Variants in GAS2 observed in about 807,000 individuals in gnomAD.
GAS2 encodes growth arrest-specific protein 2.
A neutral mutation model predicts 37.5 loss-of-function variants in GAS2; 20 were observed. That is an observed-to-expected ratio of 0.53 (90% confidence interval 0.37 to 0.77). The LOEUF (loss-of-function observed/expected upper bound fraction) is 0.77. Ranked by LOEUF, GAS2 falls within the 30% of genes least tolerant of loss-of-function variation. The pLI, the probability that GAS2 is intolerant of heterozygous loss-of-function variation, is 0.00. For missense variants in GAS2, 336 were observed against 373.4 expected (o/e 0.90, Z 0.82); for synonymous variants, 144 against 132.2 (o/e 1.09, Z -0.61).
chr11:22,726,268 A>G (rs376751148), intron 3 of GAS2, 24 bp from the exon 4 acceptor site: 113 of 1,582,638 alleles, frequency 7.1e-5, no homozygotes, highest in Non-Finnish European at 9.4e-5. Context: ...GATTTCTCCT[A>G]GAACGAATTT....
intron 3 of GAS2, among the ~76,000 whole-genome samples, chr11:22,688,940 A>G (rs1850101287): frequency 6.6e-6 from 1 of 152,206 alleles, no homozygotes; most frequent in South Asian, 2.1e-4. Context: ...CCTATATACC[A>G]TGGAATACCT....
chr11:22,709,540 C>A (rs1851292757), intron 3 of GAS2, among the ~76,000 whole-genome samples: 1 of 152,090 alleles, frequency 6.6e-6, no homozygotes, highest in South Asian at 2.1e-4. Context: ...AATTACTGTT[C>A]TTGGTCATTA....
At chr11:22,664,329 G>A (rs1053254646), upstream of GAS2, among the ~76,000 whole-genome samples, 1 of 151,974 alleles carries the variant, frequency 6.6e-6, no homozygotes, top group African/African-American at 2.4e-5. Flanking sequence ...ACATAGGAGG[G>A]AAAAATAACG....
At chr11:22,673,645 G>A (rs984509823) in intron 1 of GAS2, among the ~76,000 whole-genome samples, 4 of 152,100 alleles carry the variant, frequency 2.6e-5, no homozygotes, top group Admixed American at 6.6e-5. Context: ...GTGGCTCAAC[G>A]CCTGTAATCC....
chr11:22,651,572 T>TGGTCTTTCCACATAGTCCC (rs1395048864), intron 1 of GAS2, among the ~76,000 whole-genome samples: 254 of 152,360 alleles, frequency 1.7e-3, no homozygotes, highest in African/African-American at 5.9e-3. Context: ...GACATAGATT[T>TGGTCTTTCCACATAGTCCC]GGTCTTTCCA....
chr11:22,682,888 G>GAAAAAAAAAAAAAAAAAAAAGA (rs57025584), intron 2 of GAS2, among the ~76,000 whole-genome samples: 1 of 102,350 alleles, frequency 9.8e-6, no homozygotes, highest in African/African-American at 3.3e-5. Context: ...AAAAAAAAAG[G>GAAAAAAAAAAAAAAAAAAAAGA]AAAAAAAAAA....
At chr11:22,738,029 T>G (rs1218817600) in intron 5 of GAS2, among the ~76,000 whole-genome samples, 1 of 152,202 alleles carries the variant, frequency 6.6e-6, no homozygotes, top group East Asian at 1.9e-4. Context: ...TCCAAAACTT[T>G]CCTGGGGAGG....
At chr11:22,694,256 T>C (rs994981009) in intron 3 of GAS2, among the ~76,000 whole-genome samples, 1 of 152,168 alleles carries the variant, frequency 6.6e-6, no homozygotes, top group East Asian at 1.9e-4. Flanking sequence ...TTTCCTGTGC[T>C]TTAGGTCATT....
intron 6 of GAS2, among the ~76,000 whole-genome samples, chr11:22,751,893 C>T (rs1017143949): frequency 6.6e-6 from 1 of 152,008 alleles, no homozygotes; most frequent in Non-Finnish European, 1.5e-5. Flanking sequence ...TTCTCCCCTA[C>T]TCCCAAATTG....
upstream of GAS2, among the ~76,000 whole-genome samples, chr11:22,663,447 A>G (rs924967017): frequency 1.7e-4 from 26 of 152,144 alleles, no homozygotes; most frequent in Non-Finnish European, 1.5e-5. Context: ...GAATAAAAGT[A>G]GATAAGACAA....
At chr11:22,633,355 G>T (rs933806816) in intron 1 of GAS2, among the ~76,000 whole-genome samples, 1 of 152,114 alleles carries the variant, frequency 6.6e-6, no homozygotes, top group Non-Finnish European at 1.5e-5. Context: ...TGAACTCCTT[G>T]GTGTGATGGC....
intron 1 of GAS2, 171 bp downstream of exon 1, chr11:22,667,070 C>T (rs1261852953): frequency 6.6e-6 from 1 of 152,258 alleles, no homozygotes; most frequent in African/African-American, 2.4e-5. Flanking sequence ...TGAAGAGCCG[C>T]GGACAGTTGG....
At chr11:22,722,732 G>A (rs1198326537) in intron 3 of GAS2, among the ~76,000 whole-genome samples, 1 of 151,846 alleles carries the variant, frequency 6.6e-6, no homozygotes, top group Non-Finnish European at 1.5e-5. Context: ...CTAATACAGA[G>A]TATTTGGTCC....
chr11:22,629,051 C>G (rs1009397801), intron 1 of GAS2, among the ~76,000 whole-genome samples: 1 of 151,472 alleles, frequency 6.6e-6, no homozygotes, highest in African/African-American at 2.4e-5. Flanking sequence ...ATATATATAA[C>G]TTTTTTATCC....
intron 1 of GAS2, among the ~76,000 whole-genome samples, chr11:22,627,082 C>T (rs138348045): frequency 8.5e-5 from 13 of 152,286 alleles, no homozygotes; most frequent in African/African-American, 2.4e-4. Flanking sequence ...CGTGTGCCAC[C>T]GCGCCCGGCT....
chr11:22,652,995 C>CTTTCTTTCTTTCTTTCTTTT lies in GAS2; in HGVS notation c.-20-21836_-20-21835insTTTTCTTTCTTTCTTTCTTT, dbSNP rs1482381488. On this transcript the variant is annotated intron_variant, in intron 1 of 5. Transcript: ENST00000528582. ...TCTTTCTTTGTCTTTCTTTCTTTGT[C>CTTTCTTTCTTTCTTTCTTTT]TTTCTTTCTTTCTTTCTTTCTTTCT... Among the ~76,000 whole-genome samples, 1,006 of 134,110 alleles carry CTTTCTTTCTTTCTTTCTTTT rather than the reference C, an allele frequency of 7.5e-3. 21 individuals are homozygous for CTTTCTTTCTTTCTTTCTTTT. The highest frequency in any genetic ancestry group is 0.044 in the Admixed American group (572 of 12,908). 88.0% of individuals were successfully genotyped at this position (134,110 alleles called of 152,430 possible).
chr11:22,712,438 C>T (rs1191937035), intron 3 of GAS2, among the ~76,000 whole-genome samples: 1 of 152,118 alleles, frequency 6.6e-6, no homozygotes, highest in Non-Finnish European at 1.5e-5. Context: ...TGGCTAGATC[C>T]AGAAGGGTAA....
At chr11:22,681,006 T>C (rs1408357726) in intron 2 of GAS2, among the ~76,000 whole-genome samples, 1 of 152,164 alleles carries the variant, frequency 6.6e-6, no homozygotes, top group Non-Finnish European at 1.5e-5. Flanking sequence ...ACTCAATACA[T>C]GAATACATGT....
chr11:22,646,716 T>C (rs1215104677), intron 1 of GAS2, among the ~76,000 whole-genome samples: 1 of 152,118 alleles, frequency 6.6e-6, no homozygotes, highest in Non-Finnish European at 1.5e-5. Flanking sequence ...TAAAACTTAA[T>C]CCAGAAAGCA....
Sources: gnomAD v4.1 joint callset for allele counts (sites outside exome capture counted in the v4.1 genomes callset) on GRCh38, gnomAD v4.1.1 for gene constraint, MANE v1.5 for transcripts, NCBI Gene and HGNC (gene_info 2026-07-23, HGNC 2026-07-21) for gene names.